Variants in FHIT observed in about 807,000 individuals in gnomAD.
FHIT encodes the protein fragile histidine triad diadenosine triphosphatase.
A neutral mutation model predicts 17.9 loss-of-function variants in FHIT; 19 were observed. That is an observed-to-expected ratio of 1.06 (90% CI 0.74 to 1.56). The LOEUF (loss-of-function observed/expected upper bound fraction) is 1.56, where lower values mean the gene tolerates loss of function less well. Among genes scored for constraint, FHIT ranks in the 40% most tolerant of loss-of-function variants. FHIT has a pLI of 0.00. For missense variants in FHIT, 248 were observed against 189.2 expected, an observed-to-expected ratio of 1.31 and a Z score of -1.82; for synonymous variants, 81 against 69.7, an observed-to-expected ratio of 1.16 and a Z score of -0.81.
intron 3 of FHIT, among the ~76,000 whole-genome samples, chr3:60,858,239 G>T (rs1336128648): frequency 6.6e-6 from 1 of 152,024 alleles, no homozygotes; most frequent in African/African-American, 2.4e-5. Flanking sequence ...CCACAGAGAA[G>T]GAGACAGGAA....
chr3:60,129,392 C>A (rs1226512576), intron 5 of FHIT, among the ~76,000 whole-genome samples: 1 of 152,084 alleles, frequency 6.6e-6, no homozygotes, highest in African/African-American at 2.4e-5. Flanking sequence ...ACATCTGCTT[C>A]CTACAAAGAA....
chr3:59,807,681 T>A (rs1559623837), intron 8 of FHIT, among the ~76,000 whole-genome samples: 1 of 152,086 alleles, frequency 6.6e-6, no homozygotes, highest in Non-Finnish European at 1.5e-5. Context: ...AGGGGATATA[T>A]CCATTGGAGG....
intron 2 of FHIT, among the ~76,000 whole-genome samples, chr3:61,142,177 CTGATTA>C (rs2037104264): frequency 6.6e-6 from 1 of 151,138 alleles, no homozygotes; most frequent in Admixed American, 6.6e-5. Context: ...GTGGTGGGTT[CTGATTA>C]TATCTTTTTT....
chr3:60,087,994 G>C (rs977888172), intron 5 of FHIT, among the ~76,000 whole-genome samples: 1 of 152,128 alleles, frequency 6.6e-6, no homozygotes, highest in African/African-American at 2.4e-5. Flanking sequence ...CAATTCTAAT[G>C]GCTAAAAAAT....
intron 5 of FHIT, among the ~76,000 whole-genome samples, chr3:60,281,285 C>T (rs983119673): frequency 3.9e-5 from 6 of 152,108 alleles, no homozygotes; most frequent in East Asian, 1.9e-4. Context: ...ATACATTCAA[C>T]GCAGTTTCAG....
rs185456800 is a variant in FHIT, at chr3:60,577,333, T to C, written c.-17-40354A>G. ...GAAGCTAACCAGATTCCTCTCTCCT[T>C]AATTTAGCCCCTTACATTAGGTGCC... is the stretch of plus-strand genomic sequence containing the variant. On this transcript the variant is annotated intron_variant, in intron 4 of 9. Coordinates refer to ENST00000492590, the MANE Select transcript of FHIT (RefSeq NM_002012.4). Among the ~76,000 whole-genome samples the C allele has an allele frequency of 8.5e-5, 13 of 152,246 alleles. No homozygotes were observed. The East Asian group carries it at 2.5e-3, about 29-fold the overall frequency.
intron 5 of FHIT, among the ~76,000 whole-genome samples, chr3:60,429,489 G>A (rs757784385): frequency 6.6e-6 from 1 of 151,996 alleles, no homozygotes; most frequent in Admixed American, 6.6e-5. Context: ...ACCCATGAGG[G>A]ATGGGAAAAC....
intron 5 of FHIT, among the ~76,000 whole-genome samples, chr3:60,312,402 C>CA (rs1241221727): frequency 1.2e-4 from 18 of 152,116 alleles, no homozygotes; most frequent in Non-Finnish European, 2.6e-4. Context: ...CTTGGCCCCC[C>CA]AAAGTGCCAG....
intron 4 of FHIT, among the ~76,000 whole-genome samples, chr3:60,613,273 G>C (rs2038841924): frequency 6.6e-6 from 1 of 152,128 alleles, no homozygotes; most frequent in Non-Finnish European, 1.5e-5. Flanking sequence ...ACAACCCTGA[G>C]ACCTGTCTGG....
intron 1 of FHIT, among the ~76,000 whole-genome samples, chr3:61,231,401 A>G (rs2040097601): frequency 6.6e-6 from 1 of 152,044 alleles, no homozygotes; most frequent in Non-Finnish European, 1.5e-5. Flanking sequence ...GGCTGAGGTG[A>G]AAGGACCTCT....
chr3:60,121,849 C>T (rs970447232), intron 5 of FHIT, among the ~76,000 whole-genome samples: 1 of 152,062 alleles, frequency 6.6e-6, no homozygotes, highest in Admixed American at 6.6e-5. Context: ...TTCTCCAAGC[C>T]TCCCTTTCTG....
chr3:59,750,700 G>GTT, intron 9 of FHIT: 2 of 216,970 alleles, frequency 9.2e-6, no homozygotes, highest in Non-Finnish European at 1.9e-5. Context: ...ACAATAGGGG[G>GTT]CAAGGTAGTC....
intron 4 of FHIT, among the ~76,000 whole-genome samples, chr3:60,782,455 A>G (rs1553725943): frequency 6.6e-6 from 1 of 152,140 alleles, no homozygotes; most frequent in Non-Finnish European, 1.5e-5. Flanking sequence ...TTAAGGGACT[A>G]TCATTACAGT....
chr3:59,840,482 T>C (rs1440753420), intron 8 of FHIT, among the ~76,000 whole-genome samples: 1 of 152,110 alleles, frequency 6.6e-6, no homozygotes, highest in African/African-American at 2.4e-5. Context: ...ATTCAAATTA[T>C]CTTTAACCCA....
At position 60,055,590 on chromosome 3, in the gene FHIT, G is replaced by C. The variant is rs1397533926; in HGVS notation, c.104-41438C>G. On this transcript the variant is annotated intron_variant, in intron 5 of 9. Transcript: ENST00000492590. ...TGTATTGCAAACAATGAAGAAAGAA[G>C]AGAGGAAACCAACATTTTCTAGGCA... is the stretch of plus-strand genomic sequence containing the variant. 1.1e-4 allele frequency among the ~76,000 whole-genome samples: 17 copies of C among 152,042 alleles called. No homozygotes were observed. The South Asian group carries it at 2.5e-3, about 22-fold the overall frequency.
At chr3:60,638,897 G>A (rs1228368427) in intron 4 of FHIT, among the ~76,000 whole-genome samples, 1 of 150,918 alleles carries the variant, frequency 6.6e-6, no homozygotes, top group Non-Finnish European at 1.5e-5. Flanking sequence ...GGGAATGGAG[G>A]GCTTTCCTTA....
intron 3 of FHIT, among the ~76,000 whole-genome samples, chr3:60,997,293 C>A (rs1329265692): frequency 6.6e-6 from 1 of 152,184 alleles, no homozygotes; most frequent in Non-Finnish European, 1.5e-5. Flanking sequence ...CTCACAGCCA[C>A]AGGCTGCAAC....
At chr3:60,378,763 T>C (rs1001185464) in intron 5 of FHIT, among the ~76,000 whole-genome samples, 1 of 152,246 alleles carries the variant, frequency 6.6e-6, no homozygotes, top group Non-Finnish European at 1.5e-5. Context: ...ATGCCTGACC[T>C]TCAGACACAC....
intron 2 of FHIT, among the ~76,000 whole-genome samples, chr3:61,139,954 C>T (rs1377557105): frequency 3.3e-5 from 5 of 151,610 alleles, no homozygotes; most frequent in Non-Finnish European, 7.4e-5. Context: ...TCAAAGACAA[C>T]CTAAGTATTT....
Sources: allele counts gnomAD v4.1 joint callset (sites outside exome capture counted in the v4.1 genomes callset), GRCh38; gene constraint gnomAD v4.1.1; transcripts MANE v1.5; gene names NCBI Gene and HGNC (gene_info 2026-07-23, HGNC 2026-07-21).